Variants in FDFT1 observed in about 807,000 individuals in gnomAD.
FDFT1 encodes the protein squalene synthase.
Under a neutral mutation model 46.8 loss-of-function variants are expected in FDFT1, and 68 were observed. The observed-to-expected ratio is 1.45, with a 90% CI of 1.19 to 1.78. The LOEUF (loss-of-function observed/expected upper bound fraction) is 1.78, where lower values mean the gene tolerates loss of function less well. Ranked by LOEUF, FDFT1 falls within the 40% of genes most tolerant of loss-of-function variation. The pLI is 0.00. For missense variants in FDFT1, 928 were observed against 524.4 expected (o/e 1.77, Z -7.52); for synonymous variants, 351 against 185.1 (o/e 1.90, Z -7.28).
chr8:11,809,374 GT>G, intron 2 of FDFT1: 1 of 1,144,448 alleles, frequency 8.7e-7, no homozygotes, highest in Non-Finnish European at 1.1e-6. Context: ...CGGTCTAAAC[GT>G]TTGGTCTTCT....
At chr8:11,815,476 A>G (rs993445763) in intron 3 of FDFT1, among the ~76,000 whole-genome samples, 2 of 152,100 alleles carry the variant, frequency 1.3e-5, no homozygotes, top group Admixed American at 1.3e-4. Context: ...ACTAATTTAC[A>G]CTCCCACCAA....
intron 1 of FDFT1, chr8:11,808,287 G>A (rs1585873808): frequency 3.2e-5 from 39 of 1,222,652 alleles, no homozygotes; most frequent in Non-Finnish European, 3.7e-5. Flanking sequence ...TCGGAAGTGC[G>A]CTGGGTTCCC....
rs1810795408 is a variant in FDFT1, at chr8:11,831,560, C to T, written c.922C>T (p.Gln308Ter). The change falls in exon 7 of 8, where the codon CAG becomes TAG. Residue 308 changes from glutamine (Q) to a stop codon, truncating the protein, a stop_gained. Coordinates refer to ENST00000220584, the MANE Select transcript of FDFT1 (RefSeq NM_004462.5). LOFTEE classifies it high-confidence loss of function. ...TTTGGCTGCCTGTTATAATAACCAGCAGGTGTTCAAAGGGGCAGTGAAGAT... is the reference window on the plus strand; with the variant it reads ...TTTGGCTGCCTGTTATAATAACCAGTAGGTGTTCAAAGGGGCAGTGAAGAT... ...ATLAACYNNQ[Q>*]VFKGAVKIRK... 1.2e-6 allele frequency: 2 copies of T among 1,614,066 alleles called. No homozygotes were observed. The highest frequency in any genetic ancestry group is 1.3e-5 in the African/African-American group (1 of 75,052).
chr8:11,823,092 C>A (rs1809488614), intron 4 of FDFT1, among the ~76,000 whole-genome samples: 1 of 152,134 alleles, frequency 6.6e-6, no homozygotes, highest in African/African-American at 2.4e-5. Flanking sequence ...GTAGCTGTAA[C>A]TACAGTGCAT....
At chr8:11,815,774 T>G (rs1165157962) in intron 3 of FDFT1, among the ~76,000 whole-genome samples, 1 of 152,232 alleles carries the variant, frequency 6.6e-6, no homozygotes, top group African/African-American at 2.4e-5. Flanking sequence ...TACTACCCTT[T>G]GTTGGATGGA....
chr8:11,828,906 G>A (rs887041351), intron 5 of FDFT1, among the ~76,000 whole-genome samples: 1 of 152,170 alleles, frequency 6.6e-6, no homozygotes, highest in Non-Finnish European at 1.5e-5. Flanking sequence ...CCATTCATCA[G>A]TTGAAGGATA....
intron 5 of FDFT1, among the ~76,000 whole-genome samples, chr8:11,830,008 C>T (rs574863863): frequency 1.8e-4 from 27 of 152,126 alleles, no homozygotes; most frequent in Non-Finnish European, 3.2e-4. Context: ...CCACCGTACC[C>T]GGCTAGTTTT....
intron 1 of FDFT1, among the ~76,000 whole-genome samples, chr8:11,805,452 G>A (rs973811126): frequency 6.6e-6 from 1 of 152,204 alleles, no homozygotes; most frequent in African/African-American, 2.4e-5. Flanking sequence ...GGCAGATCTG[G>A]CTCCTGTCCA....
rs374031686 is a variant in FDFT1 at position 11,809,735 on chromosome 8, G to A, written c.266G>A (p.Ser89Asn). 4 of 1,614,024 alleles carry A rather than the reference G, an allele frequency of 2.5e-6. No individual in the cohort carries two copies. The highest frequency in any genetic ancestry group is 3.3e-5 in the Admixed American group (2 of 59,998). The stretch of plus-strand genomic sequence containing the variant: ...ACACTGGAAGATGACATGACCATCA[G>A]TGTGGAAAAGAAGGTCCCGCTGTTA... ...LDTLEDDMTI[S>N]VEKKVPLLHN... The change falls in exon 3 of 8, where the codon AGT becomes AAT. Residue 89 changes from serine (S) to asparagine (N), a missense_variant. Physicochemically the swap from Ser to Asn is conservative, Grantham distance 46. Coordinates refer to ENST00000220584, the MANE Select transcript of FDFT1 (RefSeq NM_004462.5).
intron 7 of FDFT1, among the ~76,000 whole-genome samples, chr8:11,834,861 C>T (rs1382178149): frequency 6.6e-6 from 1 of 152,212 alleles, no homozygotes; most frequent in Admixed American, 6.5e-5. Context: ...CTGTGGCTCA[C>T]ACCTGTAATC....
At chr8:11,802,724 T>C, upstream of FDFT1, 1 of 838,600 alleles carries the variant, frequency 1.2e-6, no homozygotes, top group Non-Finnish European at 1.9e-6. Context: ...GCCTGCCCCC[T>C]GTCCGGCCAG....
chr8:11,810,435 C>G (rs568669487), intron 3 of FDFT1, among the ~76,000 whole-genome samples: 1 of 152,204 alleles, frequency 6.6e-6, no homozygotes, highest in Non-Finnish European at 1.5e-5. Flanking sequence ...GCCACTTCAC[C>G]TGTGATCCTG....
chr8:11,834,965 A>G (rs1456032700), intron 7 of FDFT1, among the ~76,000 whole-genome samples: 1 of 152,214 alleles, frequency 6.6e-6, no homozygotes, highest in Non-Finnish European at 1.5e-5. Flanking sequence ...CTCTACTAAA[A>G]ATACAACATT....
chr8:11,803,253 G>C, intron 1 of FDFT1: 1 of 1,367,556 alleles, frequency 7.3e-7, no homozygotes, highest in South Asian at 1.2e-5. Context: ...TTACACATCT[G>C]AGGCAATGTG....
intron 3 of FDFT1, among the ~76,000 whole-genome samples, chr8:11,817,025 T>C (rs1000653462): frequency 6.6e-6 from 1 of 152,200 alleles, no homozygotes; most frequent in Non-Finnish European, 1.5e-5. Flanking sequence ...TAGCTCCTTA[T>C]TATTTTGAGA....
chr8:11,828,292 A>AAAAC (rs139092530), intron 5 of FDFT1, among the ~76,000 whole-genome samples: 12 of 152,014 alleles, frequency 7.9e-5, no homozygotes, highest in Non-Finnish European at 1.2e-4. Flanking sequence ...CCCTTGTCTC[A>AAAAC]AAACAAACAA....
chr8:11,801,698 T>G (rs1806133526), upstream of FDFT1: 25 of 247,330 alleles, frequency 1.0e-4, no homozygotes, highest in Admixed American at 1.7e-4. Context: ...CCAGTAGGTT[T>G]TTTTTTTTTT....
At chr8:11,823,869 C>T (rs912011750) in intron 4 of FDFT1, among the ~76,000 whole-genome samples, 2 of 152,062 alleles carry the variant, frequency 1.3e-5, no homozygotes, top group African/African-American at 4.8e-5. Context: ...TCAGCCTCCC[C>T]ATTAGCTGGG....
rs547646473 is a variant in FDFT1 at position 11,802,761 on chromosome 8, C to G, written c.-72C>G. 8.9e-6 allele frequency: 11 copies of G among 1,239,094 alleles called. No individual in the cohort carries two copies. The highest frequency in any genetic ancestry group is 4.0e-4 in the Middle Eastern group (2 of 4,996). The allele number at this position is 1,239,094 out of a possible 1,614,324, so 76.8% of individuals were successfully genotyped here. A position where few individuals can be genotyped will look rare whatever the true frequency, so the allele number is the denominator to read the frequency against. ...CCCTCGAAGCACCTACTCCACAGGT[C>G]CAGCCGGCCGGTGAGCGCCTGGGGA... On this transcript the variant is annotated 5_prime_UTR_variant, in exon 1 of 8. Coordinates refer to ENST00000220584, the MANE Select transcript of FDFT1 (RefSeq NM_004462.5).
Sources: gnomAD v4.1 joint callset for allele counts (sites outside exome capture counted in the v4.1 genomes callset) on GRCh38, gnomAD v4.1.1 for gene constraint, MANE v1.5 for transcripts, NCBI Gene and HGNC (gene_info 2026-07-23, HGNC 2026-07-21) for gene names.